The following CMIP variants were observed in gnomAD, a reference collection of about 807,000 sequenced individuals.
CMIP encodes c-Maf inducing protein, also known as C-Maf-inducing protein.
In CMIP, 13 loss-of-function variants were observed where a neutral mutation model predicts 97.3. The ratio of observed to expected loss-of-function variants is 0.13; its 90% confidence interval spans 0.09 to 0.21. CMIP has a LOEUF of 0.21. Ranked by LOEUF, CMIP falls within the 10% of genes least tolerant of loss-of-function variation. The pLI, the probability that CMIP is intolerant of heterozygous loss-of-function variation, is 1.00. For synonymous variants in CMIP, 538 were observed against 436.3 expected (o/e 1.23, Z -2.91); for missense variants, 847 against 1,024.9 (o/e 0.83, Z 2.37).
intron 10 of CMIP, among the ~76,000 whole-genome samples, chr16:81,683,756 CTTTTTTTTTTT>C (rs71272426): frequency 2.5e-5 from 2 of 81,612 alleles, no homozygotes; most frequent in Admixed American, 1.5e-4. Flanking sequence ...TTTTCTTTTT[CTTTTTTTTTTT>C]TTTTTTTTTT....
chr16:81,554,055 C>T (rs561578177), intron 1 of CMIP, among the ~76,000 whole-genome samples: 3 of 152,310 alleles, frequency 2.0e-5, no homozygotes, highest in Admixed American at 2.0e-4. Flanking sequence ...GGACTTGGCC[C>T]TCTGTACTTT....
At chr16:81,629,213 C>G (rs543819580) in intron 3 of CMIP, among the ~76,000 whole-genome samples, 4 of 146,632 alleles carry the variant, frequency 2.7e-5, no homozygotes, top group African/African-American at 1.0e-4. Context: ...GTTTCTCACG[C>G]AGAAGGGCTG....
At chr16:81,671,547 G>C (rs2092683041) in intron 8 of CMIP, among the ~76,000 whole-genome samples, 1 of 152,234 alleles carries the variant, frequency 6.6e-6, no homozygotes, top group Non-Finnish European at 1.5e-5. Context: ...TGAACCACCA[G>C]GTGTGAGCAT....
intron 1 of CMIP, among the ~76,000 whole-genome samples, chr16:81,548,505 C>A (rs1394885542): frequency 6.6e-6 from 1 of 152,032 alleles, no homozygotes; most frequent in Non-Finnish European, 1.5e-5. Context: ...CCTCCACTCA[C>A]TAGATGCCCA....
At chr16:81,660,576 A>G (rs534387950) in intron 5 of CMIP, among the ~76,000 whole-genome samples, 5 of 152,266 alleles carry the variant, frequency 3.3e-5, no homozygotes, top group East Asian at 1.9e-4. Flanking sequence ...CGCCCAGCCA[A>G]TTTTGCAAGT....
At chr16:81,636,997 T>C (rs1597176524) in intron 3 of CMIP, among the ~76,000 whole-genome samples, 2 of 152,246 alleles carry the variant, frequency 1.3e-5, no homozygotes, top group Non-Finnish European at 2.9e-5. Context: ...TTTTAACTGC[T>C]GTTTGCTGTT....
intron 1 of CMIP, among the ~76,000 whole-genome samples, chr16:81,457,182 G>A (rs531887114): frequency 1.3e-5 from 2 of 150,744 alleles, no homozygotes; most frequent in South Asian, 2.1e-4. Flanking sequence ...CGACCCCCCC[G>A]CCAGTCAGTG....
At chr16:81,494,326 G>T (rs116623647) in intron 1 of CMIP, among the ~76,000 whole-genome samples, 7,066 of 152,316 alleles carry the variant, frequency 0.046, 190 homozygotes, top group Non-Finnish European at 0.063. Context: ...TTCCAGGCAT[G>T]TGCTGGGAAT....
Position 81,501,223 on chromosome 16 carries a change from A to G in CMIP, c.300+55682A>G, listed in dbSNP as rs2089605086. 2.0e-5 allele frequency among the ~76,000 whole-genome samples: 3 copies of G among 152,204 alleles called. No individual in the cohort carries two copies. The South Asian group carries it at 6.2e-4, about 31-fold the overall frequency. On this transcript the variant is annotated intron_variant, in intron 1 of 20. Coordinates refer to ENST00000537098, the MANE Select transcript of CMIP (RefSeq NM_198390.3). ...GATTGCATTTCAGTCTTGTCTTGCT[A>G]AGGAATTTCTGAGATCGAGTAATTT...
chr16:81,573,829 C>T lies in CMIP; in HGVS notation c.301-33738C>T, dbSNP rs376543047. On this transcript the variant is annotated intron_variant, in intron 1 of 20. Transcript: ENST00000537098. Reference sequence around the variant, plus strand: ...AGTGAGTTAATGTGCTTAACGCATGCGTGGCCCAGAGGCAGTTGTTCAAGA... The same window carrying T: ...AGTGAGTTAATGTGCTTAACGCATGTGTGGCCCAGAGGCAGTTGTTCAAGA... Among the ~76,000 whole-genome samples the T allele has an allele frequency of 3.9e-5, 6 of 152,316 alleles. No homozygotes were observed. In the South Asian group the frequency reaches 6.2e-4, roughly 16 times the overall value.
At chr16:81,546,439 C>T (rs1447284095) in intron 1 of CMIP, among the ~76,000 whole-genome samples, 2 of 152,172 alleles carry the variant, frequency 1.3e-5, no homozygotes, top group African/African-American at 4.8e-5. Flanking sequence ...GGGAGTTTTC[C>T]TTTTCATGAC....
intron 1 of CMIP, among the ~76,000 whole-genome samples, chr16:81,553,375 G>T (rs752736700): frequency 4.6e-5 from 7 of 152,222 alleles, no homozygotes; most frequent in African/African-American, 9.6e-5. Flanking sequence ...CAACAAAGTT[G>T]AAAGCAGGAC....
At chr16:81,449,778 C>A (rs903453787) in intron 1 of CMIP, among the ~76,000 whole-genome samples, 1 of 151,848 alleles carries the variant, frequency 6.6e-6, no homozygotes, top group Non-Finnish European at 1.5e-5. Flanking sequence ...GGGGCTGAGA[C>A]AGAGAGGAGA....
chr16:81,679,214 G>C (rs1270066614), intron 10 of CMIP, among the ~76,000 whole-genome samples: 1 of 152,140 alleles, frequency 6.6e-6, no homozygotes, highest in Non-Finnish European at 1.5e-5. Flanking sequence ...GTTTATAGGA[G>C]AGATGGGTGT....
chr16:81,633,192 T>A (rs920696595), intron 3 of CMIP, among the ~76,000 whole-genome samples: 1 of 152,254 alleles, frequency 6.6e-6, no homozygotes, highest in African/African-American at 2.4e-5. Flanking sequence ...AGGCAGCGTC[T>A]TGATGAGCAA....
chr16:81,660,661 C>T (rs895865508), intron 5 of CMIP, among the ~76,000 whole-genome samples: 1 of 152,102 alleles, frequency 6.6e-6, no homozygotes, highest in Non-Finnish European at 1.5e-5. Context: ...TTAGAAACAC[C>T]TTGTTTTCAG....
chr16:81,669,525 C>G (rs1384697870), intron 7 of CMIP, among the ~76,000 whole-genome samples: 3 of 145,544 alleles, frequency 2.1e-5, no homozygotes, highest in African/African-American at 5.1e-5. Flanking sequence ...CCACACCCAC[C>G]TCTCACACTC....
At chr16:81,610,078 T>A (rs1432220688) in intron 2 of CMIP, among the ~76,000 whole-genome samples, 1 of 152,116 alleles carries the variant, frequency 6.6e-6, no homozygotes, top group East Asian at 1.9e-4. Context: ...GCCTCCACTT[T>A]CCTGCTCCAC....
intron 1 of CMIP, among the ~76,000 whole-genome samples, chr16:81,447,479 G>C (rs1231570227): frequency 6.6e-6 from 1 of 152,100 alleles, no homozygotes; most frequent in East Asian, 1.9e-4. Context: ...GAGAAAGAGG[G>C]AAGGAAGAAA....
Sources: gnomAD v4.1 joint callset for allele counts (sites outside exome capture counted in the v4.1 genomes callset) on GRCh38, gnomAD v4.1.1 for gene constraint, MANE v1.5 for transcripts, NCBI Gene and HGNC (gene_info 2026-07-23, HGNC 2026-07-21) for gene names.